TRRAP: variants seen among roughly 807,000 people sequenced by gnomAD.
TRRAP encodes the protein transformation/transcription domain associated protein.
TRRAP carries 41 observed loss-of-function variants against 438.8 expected under a neutral mutation model. The observed-to-expected ratio is 0.09, with a 90% CI of 0.07 to 0.12. The LOEUF is 0.12. Ranked by LOEUF, TRRAP falls within the 10% of genes least tolerant of loss-of-function variation. TRRAP has a pLI of 1.00. For missense variants in TRRAP, 3,122 were observed against 5,055.1 expected (o/e 0.62, Z 11.60); for synonymous variants, 1,994 against 1,962.9 (o/e 1.02, Z -0.42).
At chr7:98,919,915 G>A (rs1219644825) in intron 20 of TRRAP, among the ~76,000 whole-genome samples, 1 of 152,196 alleles carries the variant, frequency 6.6e-6, no homozygotes, top group Admixed American at 6.5e-5. Context: ...AAGGCCATGC[G>A]AGCACAGCAG....
Position 98,945,810 on chromosome 7 carries a change from A to G in TRRAP, c.4527+10A>G. ...ATTCTGTCAGTTTGAGGTGAGAACA[A>G]CCTATTAACAGTCAGTTTCTGACTT... On this transcript the variant is annotated intron_variant, in intron 32 of 72. Transcript: ENST00000456197. 3 of 1,597,722 alleles carry G rather than the reference A, an allele frequency of 1.9e-6. No homozygotes were observed. Among genetic ancestry groups the G allele is most frequent in the Non-Finnish European group, 1.7e-6 (2 of 1,179,578 alleles).
At chr7:98,913,833 A>G (rs1266266086) in intron 18 of TRRAP, among the ~76,000 whole-genome samples, 2 of 152,192 alleles carry the variant, frequency 1.3e-5, no homozygotes, top group Non-Finnish European at 1.5e-5. Flanking sequence ...TAGTTATATT[A>G]CTAAAAGCAG....
chr7:98,926,714 C>T (rs1173887855), intron 22 of TRRAP, among the ~76,000 whole-genome samples: 4 of 151,814 alleles, frequency 2.6e-5, no homozygotes, highest in African/African-American at 9.7e-5. Flanking sequence ...AAGTGACACT[C>T]AGAGGGAAAC....
chr7:98,948,730 T>G lies in TRRAP; in HGVS notation c.4788+45T>G, dbSNP rs73395129. On this transcript the variant is annotated intron_variant, in intron 35 of 72. Coordinates refer to ENST00000456197, the MANE Select transcript of TRRAP (RefSeq NM_001375524.1). This position sits in a 1 kb window ranked among gnomAD's most constrained non-coding sequence, Gnocchi z 4.9. ...GGAGTCAGGGGTCCCTTCAAATGCT[T>G]GTGAGCTGTCGTGCTCTGAAATGTT... The G allele has an allele frequency of 0.027, 43,436 of 1,613,308 alleles. 6,274 individuals carry two copies. The African/African-American group carries it at 0.4, about 15-fold the overall frequency.
At chr7:98,892,771 A>G (rs1258089060) in intron 5 of TRRAP, among the ~76,000 whole-genome samples, 1 of 152,166 alleles carries the variant, frequency 6.6e-6, no homozygotes, top group African/African-American at 2.4e-5. Context: ...CCTTTGAAAC[A>G]GTTGCGGATG....
intron 23 of TRRAP, among the ~76,000 whole-genome samples, chr7:98,929,594 C>CT (rs1394106629): frequency 6.0e-4 from 89 of 148,568 alleles, no homozygotes; most frequent in African/African-American, 1.6e-3. Flanking sequence ...TATGGAGTTT[C>CT]TTTTTTTTTT....
intron 43 of TRRAP, 127 bp from the exon 44 acceptor site, chr7:98,957,854 C>T: frequency 1.3e-6 from 1 of 771,626 alleles, no homozygotes; most frequent in East Asian, 2.7e-5. Flanking sequence ...CTTTGGTATC[C>T]CCAGCGCCCA....
rs1792642665 is a variant in TRRAP at position 98,976,090 on chromosome 7, G to A, written c.7840-59G>A. 2 of 1,602,284 alleles carry A rather than the reference G, an allele frequency of 1.2e-6. No homozygotes were observed. The highest frequency in any genetic ancestry group is 1.1e-5 in the South Asian group (1 of 90,268). On this transcript the variant is annotated intron_variant, in intron 53 of 72. Coordinates refer to ENST00000456197, the MANE Select transcript of TRRAP (RefSeq NM_001375524.1). This position sits in a 1 kb window ranked among gnomAD's most constrained non-coding sequence, Gnocchi z 4.6. Reference sequence around the variant, plus strand: ...CAGATCATGGGTGTCTTCTGAGCGTGGTTGTGCGAGGCACCCCCAGCCCGT... The same window carrying A: ...CAGATCATGGGTGTCTTCTGAGCGTAGTTGTGCGAGGCACCCCCAGCCCGT...
chr7:98,932,604 A>G (rs1230046228), intron 26 of TRRAP, among the ~76,000 whole-genome samples: 1 of 152,032 alleles, frequency 6.6e-6, no homozygotes, highest in African/African-American at 2.4e-5. Flanking sequence ...TCAGCTTCCC[A>G]AAGTGTTGGG....
chr7:98,928,084 C>T (rs782811022), intron 23 of TRRAP, among the ~76,000 whole-genome samples: 15 of 151,952 alleles, frequency 9.9e-5, no homozygotes, highest in Non-Finnish European at 2.1e-4. Context: ...ACTAAAAATA[C>T]CAAATTAGCT....
chr7:98,946,810 G>A (rs1554417011), intron 33 of TRRAP, among the ~76,000 whole-genome samples: 1 of 152,230 alleles, frequency 6.6e-6, no homozygotes, highest in African/African-American at 2.4e-5. Context: ...GTGTTGCAAA[G>A]ACCCAAAGAA....
intron 12 of TRRAP, among the ~76,000 whole-genome samples, chr7:98,904,841 G>A (rs1384350213): frequency 2.0e-5 from 3 of 152,190 alleles, no homozygotes; most frequent in Admixed American, 6.5e-5. Flanking sequence ...AACATGTAGA[G>A]AATCATGTTA....
At chr7:98,900,897 G>C (rs577718424) in intron 11 of TRRAP, among the ~76,000 whole-genome samples, 177 bp downstream of exon 11, 20 of 152,272 alleles carry the variant, frequency 1.3e-4, no homozygotes, top group African/African-American at 4.1e-4. Context: ...TTTGTTGTCA[G>C]TTTCTTCCCA....
rs782299462 is a variant in TRRAP, at chr7:98,882,038, A to G, written c.150+14A>G. 5 of 1,598,374 alleles carry G rather than the reference A, an allele frequency of 3.1e-6. No homozygotes were observed. Among genetic ancestry groups the G allele is most frequent in the African/African-American group, 1.3e-5 (1 of 74,178 alleles). On this transcript the variant is annotated intron_variant, in intron 3 of 72. Transcript: ENST00000456197. ...GAAAATTTTGAGGTATGAGCATTATATTTTCTATTTTTCATTTTGAGGTAA... is the reference window on the plus strand; with the variant it reads ...GAAAATTTTGAGGTATGAGCATTATGTTTTCTATTTTTCATTTTGAGGTAA...
Position 98,962,310 on chromosome 7 carries a change from A to G in TRRAP, c.6712A>G (p.Ser2238Gly), listed in dbSNP as rs1584365549. ...TCCCTGCCCTGTTGTAGGTACTTCC[A>G]GTGTGGCCTCCAAATATGAAGAGCT... ...SIFPTEPSTS[S>G]VASKYEELEC... Residue 2238 changes from serine to glycine, a missense_variant, in exon 47 of 73, where the codon AGT becomes GGT. Coordinates refer to ENST00000456197, the MANE Select transcript of TRRAP (RefSeq NM_001375524.1). 1 of 1,614,202 alleles carries G rather than the reference A, an allele frequency of 6.2e-7. No individual in the cohort carries two copies. Among genetic ancestry groups the G allele is most frequent in the Non-Finnish European group, 8.5e-7 (1 of 1,180,030 alleles).
Position 99,005,989 on chromosome 7 carries a change from G to A in TRRAP, c.10753+641G>A, listed in dbSNP as rs1562982624. Among the ~76,000 whole-genome samples, 1 of 152,196 alleles carries A rather than the reference G, an allele frequency of 6.6e-6. No homozygotes were observed. The highest frequency in any genetic ancestry group is 6.5e-5 in the Admixed American group (1 of 15,280). On this transcript the variant is annotated intron_variant, in intron 69 of 72. Coordinates refer to ENST00000456197, the MANE Select transcript of TRRAP (RefSeq NM_001375524.1). The surrounding 1 kb of genome is among the most constrained non-coding windows in gnomAD (Gnocchi z 5.1). The stretch of plus-strand genomic sequence containing the variant: ...CAGCGCGCCTCTAGCTGCTTCACAC[G>A]CTGCACTCTGGGCCCTCCCTGAATT...
At position 99,012,484 on chromosome 7, in the gene TRRAP, T is replaced by A. The variant is rs1203797151; in HGVS notation, c.*129T>A. ...CATAGTTTCACTGGGTTGCGGTTAT[T>A]TTCCTGGTAGTTTGCGTGTAAGAAA... On this transcript the variant is annotated 3_prime_UTR_variant, in exon 73 of 73. Coordinates refer to ENST00000456197, the MANE Select transcript of TRRAP (RefSeq NM_001375524.1). This position sits in a 1 kb window ranked among gnomAD's most constrained non-coding sequence, Gnocchi z 5.9. The A allele has an allele frequency of 1.7e-6, 2 of 1,171,348 alleles. No individual in the cohort carries two copies. The highest frequency in any genetic ancestry group is 2.3e-6 in the Non-Finnish European group (2 of 854,412). The allele number at this position is 1,171,348 out of a possible 1,614,324, so 72.6% of individuals were successfully genotyped here. A position where few individuals can be genotyped will look rare whatever the true frequency, so the allele number is the denominator to read the frequency against.
Position 98,933,336 on chromosome 7 carries a change from C to T in TRRAP, c.3948C>T (p.Thr1316=), listed in dbSNP as rs1404355971. ...IGLMEGNTFC[T]TLQPRLFTMD... is the part of the protein sequence containing the mutation. ...TGATGGAGGGGAACACGTTCTGTAC[C>T]ACGTTGCAGCCCAGGCTCTTCACAA... Residue 1316 remains threonine, a synonymous_variant, in exon 27 of 73, where the codon ACC becomes ACT. Coordinates refer to ENST00000456197, the MANE Select transcript of TRRAP (RefSeq NM_001375524.1). 14 of 1,614,032 alleles carry T rather than the reference C, an allele frequency of 8.7e-6. No individual in the cohort carries two copies. The highest frequency in any genetic ancestry group is 1.6e-4 in the Middle Eastern group (1 of 6,084).
At chr7:98,889,288 ACAG>A (rs782161080) in intron 3 of TRRAP, among the ~76,000 whole-genome samples, 12 of 152,180 alleles carry the variant, frequency 7.9e-5, no homozygotes, top group Non-Finnish European at 5.9e-5. Context: ...TAAAAGGTAC[ACAG>A]CACAGTATTT....
Sources: allele counts gnomAD v4.1 joint callset (sites outside exome capture counted in the v4.1 genomes callset), GRCh38; gene constraint gnomAD v4.1.1; non-coding constraint Gnocchi (gnomAD v3.1); transcripts MANE v1.5; gene names NCBI Gene and HGNC (gene_info 2026-07-23, HGNC 2026-07-21).